The following INTU variants were observed in gnomAD, a reference collection of about 807,000 sequenced individuals.
The protein encoded by INTU is inturned planar cell polarity protein, also known as protein inturned.
A neutral mutation model predicts 100.5 loss-of-function variants in INTU; 68 were observed. The observed-to-expected ratio is 0.68, with a 90% confidence interval of 0.56 to 0.83. The LOEUF is 0.83. Among genes scored for constraint, INTU ranks in the 40% least tolerant of loss-of-function variants. The pLI is 0.00. For missense variants in INTU, 1,071 were observed against 1,114.7 expected (o/e 0.96, Z 0.56); for synonymous variants, 357 against 395.7 (o/e 0.90, Z 1.16).
chr4:127,702,787 G>T (rs903809620), intron 9 of INTU, among the ~76,000 whole-genome samples: 2 of 151,936 alleles, frequency 1.3e-5, no homozygotes, highest in African/African-American at 4.8e-5. Flanking sequence ...CCCCTTTGGA[G>T]TCGACCCCTC....
chr4:127,697,930 G>C (rs755414966), intron 8 of INTU, among the ~76,000 whole-genome samples: 1 of 152,126 alleles, frequency 6.6e-6, no homozygotes. Flanking sequence ...AGACCAGCCT[G>C]ACCAACATGG....
chr4:127,681,744 T>C (rs1420583764), intron 6 of INTU, among the ~76,000 whole-genome samples: 2 of 151,958 alleles, frequency 1.3e-5, no homozygotes, highest in Non-Finnish European at 2.9e-5. Flanking sequence ...AAAGACAAAA[T>C]TGACAAATGG....
chr4:127,682,421 G>A (rs1185346650), intron 6 of INTU, among the ~76,000 whole-genome samples: 6 of 152,090 alleles, frequency 3.9e-5, no homozygotes, highest in African/African-American at 1.4e-4. Flanking sequence ...ATACTATGCA[G>A]CCATAAAAAA....
intron 1 of INTU, among the ~76,000 whole-genome samples, chr4:127,642,184 T>C (rs181037757): frequency 4.3e-4 from 66 of 152,306 alleles, no homozygotes; most frequent in African/African-American, 1.4e-3. Flanking sequence ...TATTTAAATA[T>C]TGATTCTGTG....
chr4:127,700,130 T>A, intron 9 of INTU, 67 bp downstream of exon 9: 1 of 1,201,110 alleles, frequency 8.3e-7, no homozygotes, highest in Non-Finnish European at 1.2e-6. Context: ...GTCATTATTC[T>A]AAATATTTAC....
chr4:127,655,754 G>T (rs1728171500), intron 2 of INTU, among the ~76,000 whole-genome samples: 2 of 152,246 alleles, frequency 1.3e-5, no homozygotes, highest in African/African-American at 2.4e-5. Context: ...GCTCCACCCA[G>T]TTGGAGCTTC....
intron 15 of INTU, among the ~76,000 whole-genome samples, 182 bp from the exon 16 acceptor site, chr4:127,716,143 A>G (rs1028274394): frequency 1.4e-4 from 21 of 152,218 alleles, no homozygotes; most frequent in Non-Finnish European, 1.0e-4. Flanking sequence ...AATTGACCTA[A>G]GGCATATATT....
Position 127,647,836 on chromosome 4 carries a change from A to G in INTU, c.682+3780A>G, listed in dbSNP as rs964424376. Among the ~76,000 whole-genome samples the G allele has an allele frequency of 2.6e-5, 4 of 152,194 alleles. No homozygotes were observed. In the East Asian group the frequency reaches 7.7e-4, roughly 29 times the overall value. On this transcript the variant is annotated intron_variant, in intron 2 of 15. Transcript: ENST00000335251. ...CATTTATATACAATAATCTTTTGTCAAAAATAATTTAAGTTGTATATTCAT... is the reference window on the plus strand; with the variant it reads ...CATTTATATACAATAATCTTTTGTCGAAAATAATTTAAGTTGTATATTCAT...
chr4:127,690,292 CTG>C (rs1730058706), intron 8 of INTU, among the ~76,000 whole-genome samples: 1 of 152,140 alleles, frequency 6.6e-6, no homozygotes, highest in African/African-American at 2.4e-5. Flanking sequence ...TAAGAAATCA[CTG>C]TGTGAATTCT....
Position 127,726,703 on chromosome 4 carries a change from G to A in INTU, c.*10267G>A, listed in dbSNP as rs1731424237. 6.6e-6 allele frequency: 1 copy of A among 152,110 alleles called. No homozygotes were observed. Among genetic ancestry groups the A allele is most frequent in the African/African-American group, 2.4e-5 (1 of 41,404 alleles). The allele number at this position is 152,110 out of a possible 1,614,324, so 9.4% of individuals were successfully genotyped here. On this transcript the variant is annotated 3_prime_UTR_variant, in exon 16 of 16. Transcript: ENST00000335251. ...AAGCTACTTTTATACTATATTGATA[G>A]TTTTAAATAAAACTGGTTTGGAGGT...
chr4:127,694,911 TA>T (rs962537061), intron 8 of INTU, among the ~76,000 whole-genome samples: 4 of 152,214 alleles, frequency 2.6e-5, no homozygotes, highest in African/African-American at 7.2e-5. Flanking sequence ...ACTGTAGGTT[TA>T]TATTAAGTCT....
At chr4:127,695,224 A>G (rs1278702461) in intron 8 of INTU, among the ~76,000 whole-genome samples, 1 of 152,214 alleles carries the variant, frequency 6.6e-6, no homozygotes, top group African/African-American at 2.4e-5. Flanking sequence ...ATAACTAAGT[A>G]TATTTTATTT....
At position 127,654,469 on chromosome 4, in the gene INTU, C is replaced by T. The variant is rs578034779; in HGVS notation, c.683-2167C>T. Reference sequence around the variant, plus strand: ...CTTATCTGTAAAGTATTTTATTTCTCCTTTGCTTATGAAGCTTAGTTTGGC... The same window carrying T: ...CTTATCTGTAAAGTATTTTATTTCTTCTTTGCTTATGAAGCTTAGTTTGGC... On this transcript the variant is annotated intron_variant, in intron 2 of 15. Transcript: ENST00000335251. Among the ~76,000 whole-genome samples, 4 of 152,216 alleles carry T rather than the reference C, an allele frequency of 2.6e-5. No individual in the cohort carries two copies. The East Asian group carries it at 7.7e-4, about 29-fold the overall frequency.
intron 5 of INTU, among the ~76,000 whole-genome samples, chr4:127,673,350 T>TG (rs988396736): frequency 6.3e-5 from 9 of 142,160 alleles, no homozygotes; most frequent in African/African-American, 2.3e-4. Flanking sequence ...CCCAGCTAAT[T>TG]TTTTTTTTTT....
At chr4:127,639,686 A>G (rs1161783563) in intron 1 of INTU, among the ~76,000 whole-genome samples, 3 of 152,152 alleles carry the variant, frequency 2.0e-5, no homozygotes, top group South Asian at 2.1e-4. Context: ...TGATGTTTCA[A>G]TAGACATATA....
chr4:127,679,438 G>A (rs1351722925), intron 6 of INTU, among the ~76,000 whole-genome samples: 36 of 152,072 alleles, frequency 2.4e-4, no homozygotes. Flanking sequence ...TACAACTCAG[G>A]ATTAAGAAAC....
Position 127,655,554 on chromosome 4 carries a change from C to A in INTU, c.683-1082C>A, listed in dbSNP as rs560259708. On this transcript the variant is annotated intron_variant, in intron 2 of 15. Transcript: ENST00000335251. ...CTGCTCGGGGGTCAGGGGTCAGGGACCCACTTGAGGAGGCAGTCTGCCCAT... is the reference window on the plus strand; with the variant it reads ...CTGCTCGGGGGTCAGGGGTCAGGGAACCACTTGAGGAGGCAGTCTGCCCAT... Among the ~76,000 whole-genome samples the A allele has an allele frequency of 6.1e-4, 93 of 151,702 alleles. 2 individuals are homozygous for A. The highest frequency in any genetic ancestry group is 6.8e-3 in the Middle Eastern group (2 of 294).
rs1281002301 is a variant in INTU, at chr4:127,710,918, C to T, written c.2375C>T (p.Thr792Ile). ...TGATTTTTTTTCTTTTTAAGACTGA[C>T]ATCTGGTCCTGAGAACACACTTTTC... ...ELEIYNTVKL[T>I]SGPENTLFHY... Residue 792 changes from threonine to isoleucine, a missense_variant, in exon 14 of 16, where the codon ACA becomes ATA. By Grantham distance (89) the Thr-to-Ile change is moderately conservative. Transcript: ENST00000335251. 2.1e-6 allele frequency: 3 copies of T among 1,446,636 alleles called. No individual in the cohort carries two copies. The Admixed American group carries it at 6.3e-5, about 31-fold the overall frequency. 89.6% of individuals were successfully genotyped at this position (1,446,636 alleles called of 1,614,324 possible).
chr4:127,725,651 C>CCA lies in INTU; in HGVS notation c.*9216_*9217dup, dbSNP rs1201868142. 1.3e-5 allele frequency: 2 copies of CCA among 152,076 alleles called. No homozygotes were observed. Among genetic ancestry groups the CCA allele is most frequent in the African/African-American group, 4.8e-5 (2 of 41,400 alleles). The allele number at this position is 152,076 out of a possible 1,614,324, so 9.4% of individuals were successfully genotyped here. On this transcript the variant is annotated 3_prime_UTR_variant, in exon 16 of 16. Coordinates refer to ENST00000335251, the MANE Select transcript of INTU (RefSeq NM_015693.4). ...TTCCTGGTGTCAGAGAAACATGAGA[C>CCA]CATCGCTCAATAATGGAAATAAAAA... is the stretch of plus-strand genomic sequence containing the variant.
Sources: gnomAD v4.1 joint callset for allele counts (sites outside exome capture counted in the v4.1 genomes callset) on GRCh38, gnomAD v4.1.1 for gene constraint, MANE v1.5 for transcripts, NCBI Gene and HGNC (gene_info 2026-07-23, HGNC 2026-07-21) for gene names.